The following OPRD1 variants were observed in gnomAD, a reference collection of about 807,000 sequenced individuals.
The protein encoded by OPRD1 is delta-type opioid receptor.
A neutral mutation model predicts 17.5 loss-of-function variants in OPRD1; 19 were observed. That is an observed-to-expected ratio of 1.09 (90% confidence interval 0.76 to 1.60). OPRD1 has a LOEUF of 1.60. Among genes scored for constraint, OPRD1 ranks in the 40% most tolerant of loss-of-function variants. OPRD1 has a pLI of 0.00. For missense variants in OPRD1, 483 were observed against 547.2 expected, an observed-to-expected ratio of 0.88 and a Z score of 1.17; for synonymous variants, 256 against 240.9, an observed-to-expected ratio of 1.06 and a Z score of -0.58.
chr1:28,845,167 A>AC (rs1452767093), intron 1 of OPRD1, among the ~76,000 whole-genome samples: 2 of 149,884 alleles, frequency 1.3e-5, no homozygotes, highest in East Asian at 4.0e-4. Flanking sequence ...ATATGGTGAA[A>AC]CCCCGTCTCT....
intron 1 of OPRD1, among the ~76,000 whole-genome samples, chr1:28,823,010 C>T (rs1467079961): frequency 1.3e-5 from 2 of 152,062 alleles, no homozygotes; most frequent in East Asian, 3.9e-4. Flanking sequence ...CTTAAATGAA[C>T]AATTTACCAT....
At chr1:28,812,672 A>G in intron 1 of OPRD1, 62 bp downstream of exon 1, 1 of 1,349,714 alleles carries the variant, frequency 7.4e-7, no homozygotes, top group Non-Finnish European at 9.7e-7. Flanking sequence ...GGGATCACGA[A>G]CTTGAGACCC....
chr1:28,865,051 T>C lies in OPRD1; in HGVS notation c.*1768T>C, dbSNP rs204074. ...AGCCCAGCTGTCCCCTTCACGCTGC[T>C]GAGAGTGATATCCACCTGGAGTTGG... is the stretch of plus-strand genomic sequence containing the variant. On this transcript the variant is annotated 3_prime_UTR_variant, in exon 3 of 3. Transcript: ENST00000234961. 18,280 of 151,706 alleles carry C rather than the reference T, an allele frequency of 0.12. 1,323 individuals are homozygous for C. Among genetic ancestry groups the C allele is most frequent in the East Asian group, 0.3 (1,540 of 5,106 alleles). The allele number at this position is 151,706 out of a possible 1,614,324, so 9.4% of individuals were successfully genotyped here. A position where few individuals can be genotyped will look rare whatever the true frequency, so the allele number is the denominator to read the frequency against.
chr1:28,838,879 G>T (rs1424024205), intron 1 of OPRD1, among the ~76,000 whole-genome samples: 1 of 152,122 alleles, frequency 6.6e-6, no homozygotes, highest in Non-Finnish European at 1.5e-5. Flanking sequence ...CAAAGTCCAT[G>T]CTTCTCCTTG....
Position 28,856,003 on chromosome 1 carries a change from T to C in OPRD1, c.228-2951T>C, listed in dbSNP as rs185790000. On this transcript the variant is annotated intron_variant, in intron 1 of 2. Transcript: ENST00000234961. Reference sequence around the variant, plus strand: ...CAGTCACTTCATGCAGGAACAGCCTTAGCTGATGCGAGTTTATTCCGTCAT... The same window carrying C: ...CAGTCACTTCATGCAGGAACAGCCTCAGCTGATGCGAGTTTATTCCGTCAT... 7.2e-5 allele frequency among the ~76,000 whole-genome samples: 11 copies of C among 152,358 alleles called. No homozygotes were observed. The East Asian group carries it at 1.9e-3, about 27-fold the overall frequency.
At chr1:28,862,687 C>A in intron 2 of OPRD1, 55 bp from the exon 3 acceptor site, 1 of 1,518,040 alleles carries the variant, frequency 6.6e-7, no homozygotes, top group Non-Finnish European at 8.8e-7. Flanking sequence ...GGTGGGGGCC[C>A]CTTAGGCACA....
intron 1 of OPRD1, among the ~76,000 whole-genome samples, chr1:28,815,114 C>T: frequency 6.6e-6 from 1 of 152,150 alleles, no homozygotes; most frequent in South Asian, 2.1e-4. Context: ...TGGCAGAATT[C>T]TGTCCCTCCT....
At chr1:28,862,680 G>T in intron 2 of OPRD1, 62 bp from the exon 3 acceptor site, 3 of 1,497,496 alleles carry the variant, frequency 2.0e-6, no homozygotes, top group Non-Finnish European at 1.8e-6. Context: ...GCAAGCAGGT[G>T]GGGGCCCCTT....
At chr1:28,820,276 C>T (rs2088701795) in intron 1 of OPRD1, among the ~76,000 whole-genome samples, 1 of 149,664 alleles carries the variant, frequency 6.7e-6, no homozygotes, top group Admixed American at 6.7e-5. Flanking sequence ...CTCACTGCAA[C>T]CTCTGCCTTC....
At chr1:28,848,908 CAG>C (rs1007588569) in intron 1 of OPRD1, among the ~76,000 whole-genome samples, 5 of 152,094 alleles carry the variant, frequency 3.3e-5, no homozygotes, top group Non-Finnish European at 7.4e-5. Context: ...GGACAGAAAA[CAG>C]GGGCAAGAGG....
In OPRD1 at chr1:28,849,802, A is replaced by G. The variant is rs139228454; in HGVS notation, c.228-9152A>G. Among the ~76,000 whole-genome samples, 661 of 152,226 alleles carry G rather than the reference A, an allele frequency of 4.3e-3. 6 individuals are homozygous for G. Among genetic ancestry groups the G allele is most frequent in the South Asian group, 0.025 (121 of 4,826 alleles). The stretch of plus-strand genomic sequence containing the variant: ...TATCATGTCCCTGAAATAAGATACT[A>G]TAAGTGCTATATGAAAAAGGAATAA... On this transcript the variant is annotated intron_variant, in intron 1 of 2. Coordinates refer to ENST00000234961, the MANE Select transcript of OPRD1 (RefSeq NM_000911.4).
chr1:28,832,074 T>A (rs1201809758), intron 1 of OPRD1, among the ~76,000 whole-genome samples: 1 of 152,132 alleles, frequency 6.6e-6, no homozygotes, highest in Non-Finnish European at 1.5e-5. Flanking sequence ...AGAGCTCAGA[T>A]GTACAAAGTG....
At chr1:28,857,974 G>A (rs2089072197) in intron 1 of OPRD1, among the ~76,000 whole-genome samples, 2 of 151,164 alleles carry the variant, frequency 1.3e-5, no homozygotes, top group Admixed American at 1.3e-4. Context: ...TGTATTTTTT[G>A]TAGAGACAGG....
chr1:28,826,094 T>C (rs1054629491), intron 1 of OPRD1, among the ~76,000 whole-genome samples: 2 of 152,122 alleles, frequency 1.3e-5, no homozygotes, highest in Non-Finnish European at 2.9e-5. Flanking sequence ...GAAACAGGCA[T>C]TGGGTGAGAG....
In OPRD1 at chr1:28,823,901, G is replaced by A. The variant is rs551884762; in HGVS notation, c.227+11291G>A. ...GGTCAAAAAAACCCCATTCAGGCCG[G>A]GTGCGGTGGCTAACACCTGTAATCG... On this transcript the variant is annotated intron_variant, in intron 1 of 2. Coordinates refer to ENST00000234961, the MANE Select transcript of OPRD1 (RefSeq NM_000911.4). Among the ~76,000 whole-genome samples, 4 of 150,846 alleles carry A rather than the reference G, an allele frequency of 2.7e-5. No individual in the cohort carries two copies. The East Asian group carries it at 6.0e-4, about 23-fold the overall frequency.
chr1:28,844,378 C>A (rs573049117), intron 1 of OPRD1, among the ~76,000 whole-genome samples: 1 of 152,210 alleles, frequency 6.6e-6, no homozygotes, highest in East Asian at 1.9e-4. Flanking sequence ...GCAGCCTCGA[C>A]CTCCAGGACT....
chr1:28,858,338 TCTC>T (rs2089077755), intron 1 of OPRD1, among the ~76,000 whole-genome samples: 2 of 149,856 alleles, frequency 1.3e-5, no homozygotes, highest in East Asian at 2.0e-4. Context: ...ATGGTCTCGA[TCTC>T]CTGACCTCGT....
chr1:28,851,453 T>G (rs1225237286), intron 1 of OPRD1, among the ~76,000 whole-genome samples: 1 of 152,226 alleles, frequency 6.6e-6, no homozygotes, highest in East Asian at 1.9e-4. Context: ...TTAGAGGATG[T>G]CTTCCACCAA....
At chr1:28,859,899 CA>C (rs1176839683) in intron 2 of OPRD1, among the ~76,000 whole-genome samples, 1 of 152,242 alleles carries the variant, frequency 6.6e-6, no homozygotes, top group African/African-American at 2.4e-5. Context: ...CTCCAAAGCT[CA>C]GGGGCTTAAC....
Sources: gnomAD v4.1 joint callset for allele counts (sites outside exome capture counted in the v4.1 genomes callset) on GRCh38, gnomAD v4.1.1 for gene constraint, MANE v1.5 for transcripts, NCBI Gene and HGNC (gene_info 2026-07-23, HGNC 2026-07-21) for gene names.